Variants in DIP2C observed in about 807,000 individuals in gnomAD.
DIP2C encodes the protein disco-interacting protein 2 homolog C.
Under a neutral mutation model 192.4 loss-of-function variants are expected in DIP2C, and 33 were observed. The observed-to-expected ratio is 0.17, with a 90% confidence interval of 0.13 to 0.23. The LOEUF is 0.23. DIP2C is among the 10% of genes least tolerant of loss of function. DIP2C has a pLI of 1.00. For synonymous variants in DIP2C, 979 were observed against 864.1 expected (o/e 1.13, Z -2.33); for missense variants, 1,537 against 2,110.1 (o/e 0.73, Z 5.32).
At chr10:559,272 T>C (rs1181205668) in intron 1 of DIP2C, among the ~76,000 whole-genome samples, 1 of 150,206 alleles carries the variant, frequency 6.7e-6, no homozygotes, top group Non-Finnish European at 1.5e-5. Flanking sequence ...ACGACGAGGG[T>C]CTAACCAGGA....
Position 310,066 on chromosome 10 carries a change from A to G in DIP2C, c.3951T>C (p.Thr1317=), listed in dbSNP as rs776165992. Residue 1317 remains threonine, a synonymous_variant, in exon 32 of 37, where the codon ACT becomes ACC. Coordinates refer to ENST00000280886, the MANE Select transcript of DIP2C (RefSeq NM_014974.3). ...TCAGGGCTCTCATGTCCACGTAGACAGTGGTTGGGTCAGGTCCTGAGGTTC... is the reference window on the plus strand; with the variant it reads ...TCAGGGCTCTCATGTCCACGTAGACGGTGGTTGGGTCAGGTCCTGAGGTTC... ...LQGTSGPDPT[T]VYVDMRALRH... The G allele has an allele frequency of 6.2e-7, 1 of 1,614,206 alleles. No individual in the cohort carries two copies. Among genetic ancestry groups the G allele is most frequent in the South Asian group, 1.1e-5 (1 of 91,078 alleles).
rs755004567 is a variant in DIP2C at position 415,756 on chromosome 10, A to G, written c.859+13T>C. 22 of 1,613,708 alleles carry G rather than the reference A, an allele frequency of 1.4e-5. No homozygotes were observed. The highest frequency in any genetic ancestry group is 1.3e-5 in the African/African-American group (1 of 74,886). On this transcript the variant is annotated intron_variant, in intron 7 of 36. Transcript: ENST00000280886. ...AGCATCTGGAAGAAACGTGTGGTAA[A>G]GAGTTCTCTCACCTTCTAATAATTC...
intron 31 of DIP2C, among the ~76,000 whole-genome samples, chr10:311,936 G>A (rs1425874941): frequency 2.0e-5 from 3 of 152,086 alleles, no homozygotes; most frequent in African/African-American, 4.8e-5. Context: ...GAGGGACGCG[G>A]GAGTGCAAGT....
intron 29 of DIP2C, among the ~76,000 whole-genome samples, chr10:333,253 C>T (rs549576253): frequency 6.6e-6 from 1 of 152,238 alleles, no homozygotes; most frequent in Admixed American, 6.5e-5. Flanking sequence ...TTTGCATACC[C>T]TAAGTTTCAC....
chr10:553,503 A>G (rs1408442719), intron 1 of DIP2C, among the ~76,000 whole-genome samples: 1 of 152,248 alleles, frequency 6.6e-6, no homozygotes, highest in Non-Finnish European at 1.5e-5. Flanking sequence ...TTTTGCGTGT[A>G]AACACTTGAA....
intron 11 of DIP2C, 36 bp downstream of exon 11, chr10:390,704 G>A (rs760016788): frequency 1.9e-5 from 31 of 1,601,576 alleles, no homozygotes; most frequent in Middle Eastern, 1.7e-4. Flanking sequence ...GACAAAGGAC[G>A]TGGGCATGCG....
In DIP2C at chr10:536,617, GGACA is replaced by G. The variant is rs1261052295; in HGVS notation, c.86-50091_86-50088del. On this transcript the variant is annotated intron_variant, in intron 1 of 36. Transcript: ENST00000280886. The stretch of plus-strand genomic sequence containing the variant: ...AGGACACAATTTAATACCAGGAGCC[GGACA>G]GACAGTGAATGTGATTCAGAATTCG... Among the ~76,000 whole-genome samples, 76 of 152,314 alleles carry G rather than the reference GGACA, an allele frequency of 5.0e-4. No individual in the cohort carries two copies. In the Middle Eastern group the frequency reaches 0.01, roughly 20 times the overall value.
chr10:477,498 T>G (rs1280287571), intron 2 of DIP2C, among the ~76,000 whole-genome samples: 1 of 392 alleles, frequency 2.6e-3, no homozygotes, highest in African/African-American at 2.7e-3. Context: ...GGGTGGGAGG[T>G]GGGAGGTGGG....
Position 674,826 on chromosome 10 carries a change from A to AGAGAGAGAGACC in DIP2C, c.85+14667_85+14668insGGTCTCTCTCTC, listed in dbSNP as rs1201758510. Among the ~76,000 whole-genome samples, 216 of 144,694 alleles carry AGAGAGAGAGACC rather than the reference A, an allele frequency of 1.5e-3. 2 individuals are homozygous for AGAGAGAGAGACC. Among genetic ancestry groups the AGAGAGAGAGACC allele is most frequent in the African/African-American group, 2.8e-3 (107 of 37,784 alleles). 94.9% of individuals were successfully genotyped at this position (144,694 alleles called of 152,430 possible). On this transcript the variant is annotated intron_variant, in intron 1 of 36. Transcript: ENST00000280886. ...GAGAGAGAGAGAGAGAGAGAGAGAG[A>AGAGAGAGAGACC]GAGACCAACACAACAATAGTAGGGG...
chr10:475,343 G>T (rs981381262), intron 2 of DIP2C, among the ~76,000 whole-genome samples: 1 of 152,190 alleles, frequency 6.6e-6, no homozygotes, highest in Non-Finnish European at 1.5e-5. Context: ...GTCACTGACA[G>T]CACAGTTGGG....
intron 1 of DIP2C, among the ~76,000 whole-genome samples, chr10:603,609 T>A (rs1374029331): frequency 6.6e-6 from 1 of 152,242 alleles, no homozygotes; most frequent in Non-Finnish European, 1.5e-5. Context: ...CAACTATCTG[T>A]TCTGCCATCG....
chr10:609,784 G>A (rs537774598), intron 1 of DIP2C, among the ~76,000 whole-genome samples: 3 of 152,244 alleles, frequency 2.0e-5, no homozygotes, highest in African/African-American at 7.2e-5. Flanking sequence ...GAACCTAACT[G>A]CATCTTTGGA....
At chr10:578,910 A>T (rs1251713993) in intron 1 of DIP2C, among the ~76,000 whole-genome samples, 1 of 151,808 alleles carries the variant, frequency 6.6e-6, no homozygotes, top group Non-Finnish European at 1.5e-5. Context: ...CCAGATCCAC[A>T]GTGTGTGCAC....
At position 473,118 on chromosome 10, in the gene DIP2C, T is replaced by C. The variant is rs56283804; in HGVS notation, c.158-569A>G. ...TGTTTTAACAGATTATGTTCGACTA[T>C]GAATCACAATTACTTGGTGAATAAC... On this transcript the variant is annotated intron_variant, in intron 2 of 36. Transcript: ENST00000280886. 1.9e-3 allele frequency among the ~76,000 whole-genome samples: 282 copies of C among 152,334 alleles called. 1 individual carries two copies. Among genetic ancestry groups the C allele is most frequent in the Non-Finnish European group, 3.4e-3 (233 of 68,026 alleles).
chr10:534,021 C>T (rs985101629), intron 1 of DIP2C, among the ~76,000 whole-genome samples: 2 of 151,330 alleles, frequency 1.3e-5, no homozygotes, highest in African/African-American at 2.4e-5. Flanking sequence ...AAAAGAGGAA[C>T]GTTCTATTTA....
At chr10:474,421 C>T (rs1970897368) in intron 2 of DIP2C, among the ~76,000 whole-genome samples, 1 of 152,212 alleles carries the variant, frequency 6.6e-6, no homozygotes, top group Non-Finnish European at 1.5e-5. Flanking sequence ...CTGAAAAACT[C>T]TTTCCCATAC....
intron 6 of DIP2C, among the ~76,000 whole-genome samples, chr10:417,915 TCCACCTGTTCCTG>T (rs1965841044): frequency 1.9e-5 from 2 of 106,182 alleles, no homozygotes; most frequent in Non-Finnish European, 1.9e-5. Flanking sequence ...GGCCTCCCTG[TCCACCTGTTCCTG>T]TCAGGGCTTC....
At chr10:530,082 C>T (rs1564822311) in intron 1 of DIP2C, among the ~76,000 whole-genome samples, 1 of 152,254 alleles carries the variant, frequency 6.6e-6, no homozygotes, top group South Asian at 2.1e-4. Flanking sequence ...CGAGTCTCCA[C>T]GCCTGCCGCC....
intron 4 of DIP2C, chr10:437,657 T>A (rs1021073784): frequency 9.2e-5 from 14 of 152,102 alleles, no homozygotes; most frequent in African/African-American, 3.4e-4. Flanking sequence ...GAGGTGTGAT[T>A]TGGGTCCCTG....
Sources: gnomAD v4.1 joint callset for allele counts (sites outside exome capture counted in the v4.1 genomes callset) on GRCh38, gnomAD v4.1.1 for gene constraint, MANE v1.5 for transcripts, NCBI Gene and HGNC (gene_info 2026-07-23, HGNC 2026-07-21) for gene names.